The following ENTREP2 variants were observed in gnomAD, a reference collection of about 807,000 sequenced individuals.
ENTREP2 encodes endosomal transmembrane epsin interactor 2.
the ENTREP2 span, among the ~76,000 whole-genome samples, chr15:29,519,885 C>A: frequency 6.6e-6 from 1 of 152,104 alleles, no homozygotes. Flanking sequence ...TTGTTCCTGC[C>A]CCACCCCAAC....
At chr15:29,124,846 C>A in the ENTREP2 span, 1 of 1,193,720 alleles carries the variant, frequency 8.4e-7, no homozygotes, top group Non-Finnish European at 1.2e-6. Context: ...GTGACTAAGA[C>A]ATTTTAGATG....
chr15:29,235,245 A>G, the ENTREP2 span: 1 of 522,012 alleles, frequency 1.9e-6, no homozygotes, highest in Non-Finnish European at 3.5e-6. Flanking sequence ...ATTTAAAAAA[A>G]TAAGGAAAGC....
At chr15:29,467,334 C>T in the ENTREP2 span, among the ~76,000 whole-genome samples, 1 of 152,250 alleles carries the variant, frequency 6.6e-6, no homozygotes, top group Non-Finnish European at 1.5e-5. Context: ...CAAGTCACTG[C>T]CAAAATGCAA....
At chr15:29,418,575 C>T in the ENTREP2 span, among the ~76,000 whole-genome samples, 1 of 152,150 alleles carries the variant, frequency 6.6e-6, no homozygotes, top group Non-Finnish European at 1.5e-5. Context: ...AAAGGCAGTT[C>T]GTGGTTGCAC....
chr15:29,657,483 C>CGGGGCGGGGGGGGGGGGGGG, the ENTREP2 span, among the ~76,000 whole-genome samples: 1 of 69,382 alleles, frequency 1.4e-5, no homozygotes, highest in African/African-American at 6.0e-5. Flanking sequence ...GCTGGGGGGG[C>CGGGGCGGGGGGGGGGGGGGG]GGGGGGGGGG....
chr15:29,396,156 A>G, the ENTREP2 span, among the ~76,000 whole-genome samples: 1 of 152,200 alleles, frequency 6.6e-6, no homozygotes, highest in East Asian at 1.9e-4. Flanking sequence ...TTTCAAATAT[A>G]CAGCACATTA....
At chr15:29,558,787 C>G in the ENTREP2 span, among the ~76,000 whole-genome samples, 1 of 125,366 alleles carries the variant, frequency 8.0e-6, no homozygotes. Context: ...AGTGGGAAGA[C>G]GACAAAGATG....
chr15:29,473,141 C>T, the ENTREP2 span, among the ~76,000 whole-genome samples: 5 of 152,146 alleles, frequency 3.3e-5, no homozygotes, highest in African/African-American at 9.7e-5. Context: ...AGCAATCTCA[C>T]TTGGGAAAGA....
chr15:29,501,529 G>A, the ENTREP2 span, among the ~76,000 whole-genome samples: 1 of 151,826 alleles, frequency 6.6e-6, no homozygotes, highest in Admixed American at 6.6e-5. Context: ...CCTGATAAAG[G>A]GCATCCATGA....
the ENTREP2 span, among the ~76,000 whole-genome samples, chr15:29,276,308 T>G: frequency 6.6e-6 from 1 of 152,236 alleles, no homozygotes; most frequent in East Asian, 1.9e-4. Context: ...TTAGGGCCTA[T>G]TAAGTTATAA....
chr15:29,353,952 G>C, the ENTREP2 span, among the ~76,000 whole-genome samples: 2 of 152,124 alleles, frequency 1.3e-5, no homozygotes, highest in African/African-American at 2.4e-5. Flanking sequence ...TTAATTTTAC[G>C]AGCCAACTTG....
chr15:29,302,838 CCAAAT>C, the ENTREP2 span, among the ~76,000 whole-genome samples: 2 of 152,128 alleles, frequency 1.3e-5, no homozygotes, highest in Non-Finnish European at 2.9e-5. Flanking sequence ...TGTTTATTCT[CCAAAT>C]CAATTACACA....
At chr15:29,468,179 A>G in the ENTREP2 span, among the ~76,000 whole-genome samples, 1 of 152,240 alleles carries the variant, frequency 6.6e-6, no homozygotes, top group Non-Finnish European at 1.5e-5. Flanking sequence ...TCGACTGTAA[A>G]GCCATAAATA....
chr15:29,520,306 G>C, the ENTREP2 span, among the ~76,000 whole-genome samples: 1 of 152,194 alleles, frequency 6.6e-6, no homozygotes, highest in Admixed American at 6.5e-5. Context: ...CATAAATATA[G>C]CAGGCAGATA....
chr15:29,524,224 A>G, the ENTREP2 span, among the ~76,000 whole-genome samples: 1 of 152,196 alleles, frequency 6.6e-6, no homozygotes, highest in African/African-American at 2.4e-5. Flanking sequence ...TTGCATAGAC[A>G]TTTCTCCAAA....
chr15:29,583,573 C>T, the ENTREP2 span, among the ~76,000 whole-genome samples: 2 of 152,118 alleles, frequency 1.3e-5, no homozygotes, highest in Non-Finnish European at 2.9e-5. Flanking sequence ...ATAGGTGCAG[C>T]AAACCACCAT....
At chr15:29,654,132 C>G in the ENTREP2 span, among the ~76,000 whole-genome samples, 1 of 152,194 alleles carries the variant, frequency 6.6e-6, no homozygotes, top group Non-Finnish European at 1.5e-5. Context: ...GGCCTAAAAT[C>G]TTGTCCAAAG....
chr15:29,445,533 T>G, the ENTREP2 span, among the ~76,000 whole-genome samples: 1 of 152,136 alleles, frequency 6.6e-6, no homozygotes. Flanking sequence ...ATAACTGGAT[T>G]TGGAGAGCTT....
the ENTREP2 span, among the ~76,000 whole-genome samples, chr15:29,330,291 A>G: frequency 6.6e-6 from 1 of 151,884 alleles, no homozygotes; most frequent in Non-Finnish European, 1.5e-5. Flanking sequence ...ACAAAAAAAA[A>G]AAAAAAATTC....
Sources: allele counts gnomAD v4.1 joint callset (sites outside exome capture counted in the v4.1 genomes callset), GRCh38; gene constraint gnomAD v4.1.1; transcripts MANE v1.5; gene names NCBI Gene and HGNC (gene_info 2026-07-23, HGNC 2026-07-21).